The following GATAD2B variants were observed in gnomAD, a reference collection of about 807,000 sequenced individuals.
The protein encoded by GATAD2B is GATA zinc finger domain containing 2B, also known as transcriptional repressor p66-beta.
GATAD2B carries 8 observed loss-of-function variants against 64.3 expected under a neutral mutation model. The ratio of observed to expected loss-of-function variants is 0.12; its 90% confidence interval spans 0.07 to 0.22. The LOEUF is 0.22. Ranked by LOEUF, GATAD2B falls within the 10% of genes least tolerant of loss-of-function variation. The pLI is 1.00. For synonymous variants in GATAD2B, 281 were observed against 271.3 expected, an observed-to-expected ratio of 1.04 and a Z score of -0.35; for missense variants, 453 against 752.0, an observed-to-expected ratio of 0.60 and a Z score of 4.65.
intron 1 of GATAD2B, among the ~76,000 whole-genome samples, chr1:153,879,359 G>A (rs1438290555): frequency 6.6e-6 from 1 of 152,124 alleles, no homozygotes; most frequent in Non-Finnish European, 1.5e-5. Flanking sequence ...ACAGGCATGA[G>A]CCACCGCTCT....
At chr1:153,824,623 A>G (rs1354355509) in intron 2 of GATAD2B, among the ~76,000 whole-genome samples, 3 of 151,012 alleles carry the variant, frequency 2.0e-5, no homozygotes, top group Admixed American at 6.6e-5. Context: ...AAAAAAAAAA[A>G]AAAAAAAAAA....
At position 153,893,965 on chromosome 1, in the gene GATAD2B, A is replaced by AT. The variant is rs1399972304; in HGVS notation, c.-2+28767_-2+28768insA. 9.9e-3 allele frequency among the ~76,000 whole-genome samples: 1,497 copies of AT among 150,508 alleles called. 37 individuals carry two copies. Among genetic ancestry groups the AT allele is most frequent in the African/African-American group, 0.035 (1,420 of 40,954 alleles). Reference sequence around the variant, plus strand: ...GAACAAGACTCCATCTAAAAAAAAAAAAAAAAAAAAAAAAAAACCCAAAAA... The same window carrying AT: ...GAACAAGACTCCATCTAAAAAAAAAATAAAAAAAAAAAAAAAAACCCAAAAA... On this transcript the variant is annotated intron_variant, in intron 1 of 10. Coordinates refer to ENST00000368655, the MANE Select transcript of GATAD2B (RefSeq NM_020699.4).
intron 2 of GATAD2B, among the ~76,000 whole-genome samples, chr1:153,823,478 T>C (rs1455294451): frequency 6.6e-6 from 1 of 152,210 alleles, no homozygotes; most frequent in South Asian, 2.1e-4. Context: ...ACATGGCTAT[T>C]ATGTTAAGAA....
chr1:153,853,132 G>A, intron 1 of GATAD2B: 1 of 1,440,774 alleles, frequency 6.9e-7, no homozygotes. Flanking sequence ...AGAATAGGCA[G>A]TCTCTCCTCA....
At chr1:153,907,548 G>T (rs952423109) in intron 1 of GATAD2B, among the ~76,000 whole-genome samples, 1 of 152,058 alleles carries the variant, frequency 6.6e-6, no homozygotes, top group Non-Finnish European at 1.5e-5. Flanking sequence ...AGTTTGGGAA[G>T]ATGAAGAAGT....
intron 1 of GATAD2B, chr1:153,853,403 C>A: frequency 1.5e-6 from 1 of 657,558 alleles, no homozygotes. Flanking sequence ...TCAACTGCAA[C>A]AGATGCCATT....
intron 1 of GATAD2B, among the ~76,000 whole-genome samples, chr1:153,895,916 T>C (rs1677575364): frequency 6.6e-6 from 1 of 151,698 alleles, no homozygotes; most frequent in Non-Finnish European, 1.5e-5. Context: ...TCCCAGCACT[T>C]TGGGAGGCTG....
chr1:153,819,812 A>AG (rs1674613903), intron 2 of GATAD2B, 77 bp from the exon 3 acceptor site: 6 of 1,369,086 alleles, frequency 4.4e-6, no homozygotes, highest in Non-Finnish European at 5.0e-6. Flanking sequence ...AAAAAATCCA[A>AG]GGGGGGCCGG....
At chr1:153,832,472 T>C (rs1315625567) in intron 1 of GATAD2B, among the ~76,000 whole-genome samples, 2 of 152,264 alleles carry the variant, frequency 1.3e-5, no homozygotes, top group Non-Finnish European at 1.5e-5. Context: ...AAAGAAAAGC[T>C]GGAAACTAGC....
At chr1:153,849,741 C>T (rs2101909182) in intron 1 of GATAD2B, among the ~76,000 whole-genome samples, 1 of 152,278 alleles carries the variant, frequency 6.6e-6, no homozygotes, top group African/African-American at 2.4e-5. Context: ...AGCGATTCTC[C>T]TGCCTCAGCC....
chr1:153,833,176 C>T (rs929524350), intron 1 of GATAD2B, among the ~76,000 whole-genome samples: 4 of 152,120 alleles, frequency 2.6e-5, no homozygotes, highest in African/African-American at 9.7e-5. Flanking sequence ...CTGTGAATAG[C>T]CACTGCACTC....
intron 8 of GATAD2B, 122 bp from the exon 9 acceptor site, chr1:153,812,254 T>C (rs1191852608): frequency 1.6e-6 from 1 of 616,826 alleles, no homozygotes; most frequent in African/African-American, 1.9e-5. Flanking sequence ...GGTCTGGCAC[T>C]CCTGGGCTCA....
At chr1:153,831,474 G>A (rs750112508) in intron 1 of GATAD2B, among the ~76,000 whole-genome samples, 1 of 151,950 alleles carries the variant, frequency 6.6e-6, no homozygotes, top group Non-Finnish European at 1.5e-5. Flanking sequence ...TTCAGGTTCT[G>A]TGCATGTATC....
chr1:153,871,668 A>G (rs573317013), intron 1 of GATAD2B, among the ~76,000 whole-genome samples: 16 of 150,940 alleles, frequency 1.1e-4, no homozygotes, highest in Admixed American at 3.3e-4. Flanking sequence ...GACGGGTTTT[A>G]CCATGTTGGG....
At chr1:153,835,811 C>T (rs1370507710) in intron 1 of GATAD2B, among the ~76,000 whole-genome samples, 1 of 151,706 alleles carries the variant, frequency 6.6e-6, no homozygotes, top group Non-Finnish European at 1.5e-5. Context: ...CAACCTCTGC[C>T]TCCTGAGTTC....
chr1:153,918,368 CTCTT>C, intron 1 of GATAD2B, among the ~76,000 whole-genome samples: 1 of 152,302 alleles, frequency 6.6e-6, no homozygotes, highest in African/African-American at 2.4e-5. Context: ...TTCATCCCCT[CTCTT>C]TCAGCAAGTT....
At chr1:153,826,813 C>T (rs926723373) in intron 2 of GATAD2B, among the ~76,000 whole-genome samples, 1 of 151,816 alleles carries the variant, frequency 6.6e-6, no homozygotes, top group Non-Finnish European at 1.5e-5. Context: ...TGATGATGCA[C>T]ACCTGTAGTC....
chr1:153,896,347 G>A (rs1255933452), intron 1 of GATAD2B, among the ~76,000 whole-genome samples: 3 of 152,006 alleles, frequency 2.0e-5, no homozygotes, highest in African/African-American at 4.8e-5. Context: ...TCAGATAAAG[G>A]GGATAATCTG....
At chr1:153,876,483 C>T (rs1229198299) in intron 1 of GATAD2B, among the ~76,000 whole-genome samples, 1 of 152,136 alleles carries the variant, frequency 6.6e-6, no homozygotes, top group African/African-American at 2.4e-5. Flanking sequence ...CTTTGGCTCA[C>T]ATTCTTGAAA....
Sources: gnomAD v4.1 joint callset for allele counts (sites outside exome capture counted in the v4.1 genomes callset) on GRCh38, gnomAD v4.1.1 for gene constraint, MANE v1.5 for transcripts, NCBI Gene and HGNC (gene_info 2026-07-23, HGNC 2026-07-21) for gene names.